ANK3: variants seen among roughly 807,000 people sequenced by gnomAD.
The protein encoded by ANK3 is ankyrin-3.
ANK3 carries 57 observed loss-of-function variants against 370.9 expected under a neutral mutation model. That is an observed-to-expected ratio of 0.15 (90% CI 0.12 to 0.19). The LOEUF (loss-of-function observed/expected upper bound fraction) is 0.19, where lower values mean the gene tolerates loss of function less well. ANK3 is among the 10% of genes least tolerant of loss of function. The pLI is 1.00. For synonymous variants in ANK3, 1,929 were observed against 1,946.3 expected (o/e 0.99, Z 0.23); for missense variants, 4,439 against 5,302.1 (o/e 0.84, Z 5.06).
chr10:60,144,192 T>C (rs1394037081), intron 23 of ANK3: 11 of 446,934 alleles, frequency 2.5e-5, no homozygotes, highest in Admixed American at 4.9e-5. Flanking sequence ...ATCACTGAGT[T>C]TCGGGGAGGC....
chr10:60,226,827 A>G (rs2097171976), intron 8 of ANK3, among the ~76,000 whole-genome samples: 1 of 149,396 alleles, frequency 6.7e-6, no homozygotes, highest in African/African-American at 2.4e-5. Flanking sequence ...TTATAATTAT[A>G]TTTACACTGT....
rs867438611 is a variant in ANK3, at chr10:60,685,212, A to T, written c.57+48051T>A. The T allele has an allele frequency of 1.1e-5, 4 of 353,544 alleles. No homozygotes were observed. In the Middle Eastern group the frequency reaches 3.7e-3, roughly 323 times the overall value. The allele number at this position is 353,544 out of a possible 1,614,324, so 21.9% of individuals were successfully genotyped here. On this transcript the variant is annotated intron_variant, in intron 1 of 43. Coordinates refer to the ANK3 transcript ENST00000373827. The stretch of plus-strand genomic sequence containing the variant: ...TAAAGCTTTGTATTGTTCAATGATC[A>T]GATGCCTAACTCTGTTGATTTGTAG...
chr10:60,186,590 A>C (rs922229745), intron 17 of ANK3, 125 bp downstream of exon 17: 9 of 1,077,354 alleles, frequency 8.4e-6, no homozygotes, highest in Middle Eastern at 2.0e-4. Flanking sequence ...TTTGGTAAAC[A>C]ACTTGGTGCA....
chr10:60,436,094 A>T (rs1009411142), intron 2 of ANK3, among the ~76,000 whole-genome samples: 3 of 151,530 alleles, frequency 2.0e-5, no homozygotes, highest in Non-Finnish European at 4.4e-5. Flanking sequence ...GTCTCAAAAA[A>T]AAATAAATAA....
chr10:60,658,780 T>C (rs1474693662), intron 1 of ANK3, among the ~76,000 whole-genome samples: 1 of 151,998 alleles, frequency 6.6e-6, no homozygotes, highest in Non-Finnish European at 1.5e-5. Context: ...TAAAGATTAT[T>C]GGTCTTTCAT....
intron 2 of ANK3, among the ~76,000 whole-genome samples, chr10:60,489,998 C>T (rs1244053295): frequency 2.6e-5 from 4 of 151,626 alleles, no homozygotes; most frequent in African/African-American, 4.9e-5. Flanking sequence ...TCAGTTTCTC[C>T]TTTCTCCAAA....
At chr10:60,199,090 C>A (rs2096632319) in intron 13 of ANK3, among the ~76,000 whole-genome samples, 1 of 152,100 alleles carries the variant, frequency 6.6e-6, no homozygotes, top group African/African-American at 2.4e-5. Context: ...GCAAGGGCTG[C>A]ATCTGTCTAA....
intron 1 of ANK3, among the ~76,000 whole-genome samples, chr10:60,361,820 G>T (rs1056846887): frequency 1.3e-5 from 2 of 152,090 alleles, no homozygotes; most frequent in Admixed American, 1.3e-4. Flanking sequence ...GTAAGTTGAA[G>T]TTTTGTACAT....
At chr10:60,184,724 T>C (rs1215227061) in intron 17 of ANK3, among the ~76,000 whole-genome samples, 9 of 152,192 alleles carry the variant, frequency 5.9e-5, no homozygotes, top group Non-Finnish European at 1.2e-4. Flanking sequence ...CCTATGAGGC[T>C]AAGATGAATT....
chr10:60,446,256 C>T (rs1462297135), intron 2 of ANK3, among the ~76,000 whole-genome samples: 1 of 152,140 alleles, frequency 6.6e-6, no homozygotes, highest in Non-Finnish European at 1.5e-5. Flanking sequence ...CAAATACCTC[C>T]TCCGTCACAT....
At chr10:60,419,456 C>T (rs2063735205) in intron 2 of ANK3, among the ~76,000 whole-genome samples, 1 of 152,118 alleles carries the variant, frequency 6.6e-6, no homozygotes, top group South Asian at 2.1e-4. Flanking sequence ...AGAAAATTTG[C>T]ACATATAAAG....
chr10:60,064,408 G>A, intron 38 of ANK3, 120 bp from the exon 39 acceptor site: 1 of 1,034,466 alleles, frequency 9.7e-7, no homozygotes, highest in South Asian at 1.6e-5. Flanking sequence ...CTCAAGTACA[G>A]CCTCAGGAAT....
intron 38 of ANK3, among the ~76,000 whole-genome samples, chr10:60,065,208 C>T (rs1396661373): frequency 6.6e-6 from 1 of 152,150 alleles, no homozygotes; most frequent in Non-Finnish European, 1.5e-5. Flanking sequence ...CAGATATACT[C>T]ATATTCAATC....
chr10:60,710,521 C>A (rs747764176), intron 1 of ANK3, among the ~76,000 whole-genome samples: 6 of 151,998 alleles, frequency 3.9e-5, no homozygotes, highest in East Asian at 1.9e-4. Context: ...TCATAAAATA[C>A]CTTTTTCTTA....
intron 18 of ANK3, among the ~76,000 whole-genome samples, chr10:60,178,509 G>A (rs1053913888): frequency 2.6e-5 from 4 of 152,070 alleles, no homozygotes; most frequent in African/African-American, 9.7e-5. Context: ...TAGAGAAAAT[G>A]GGTAATACAT....
At chr10:60,363,119 G>T (rs375244631) in intron 1 of ANK3, among the ~76,000 whole-genome samples, 1 of 152,014 alleles carries the variant, frequency 6.6e-6, no homozygotes, top group South Asian at 2.1e-4. Context: ...ACAACATGCA[G>T]TTCTGGCCAG....
chr10:60,581,416 CCCTTT>C (rs1488028620), intron 2 of ANK3, among the ~76,000 whole-genome samples: 1 of 124,796 alleles, frequency 8.0e-6, no homozygotes. Flanking sequence ...AGGTATTTTG[CCCTTT>C]TTTTTTTTTT....
intron 24 of ANK3, chr10:60,138,616 A>G: frequency 2.3e-6 from 1 of 442,106 alleles, no homozygotes; most frequent in East Asian, 3.4e-5. Context: ...TTAGCAAATA[A>G]TACTTTCTTT....
intron 2 of ANK3, among the ~76,000 whole-genome samples, chr10:60,416,781 A>G (rs938678606): frequency 6.6e-6 from 1 of 152,238 alleles, no homozygotes; most frequent in Non-Finnish European, 1.5e-5. Context: ...GAACATTTTT[A>G]TCACCACTCA....
Sources: gnomAD v4.1 joint callset for allele counts (sites outside exome capture counted in the v4.1 genomes callset) on GRCh38, gnomAD v4.1.1 for gene constraint, MANE v1.5 for transcripts, NCBI Gene and HGNC (gene_info 2026-07-23, HGNC 2026-07-21) for gene names.